The following USP46 variants were observed in gnomAD, a reference collection of about 807,000 sequenced individuals.
The protein encoded by USP46 is ubiquitin specific peptidase 46.
A neutral mutation model predicts 44.4 loss-of-function variants in USP46; 12 were observed. The observed-to-expected ratio is 0.27, with a 90% confidence interval of 0.17 to 0.44. USP46 has a LOEUF of 0.44. Among genes scored for constraint, USP46 ranks in the 20% least tolerant of loss-of-function variants. The pLI is 1.00. For missense variants in USP46, 248 were observed against 444.8 expected (o/e 0.56, Z 3.98); for synonymous variants, 155 against 161.5 (o/e 0.96, Z 0.31).
chr4:52,607,952 A>G (rs1401207285), intron 5 of USP46, among the ~76,000 whole-genome samples: 2 of 152,232 alleles, frequency 1.3e-5, no homozygotes, highest in Admixed American at 6.5e-5. Context: ...GTATTTATTT[A>G]TAGCAATGTG....
At chr4:52,632,904 GA>G (rs1350955863) in intron 1 of USP46, among the ~76,000 whole-genome samples, 18 of 86,942 alleles carry the variant, frequency 2.1e-4, no homozygotes, top group Non-Finnish European at 3.3e-4. Flanking sequence ...GGAAGGGAAA[GA>G]GAAAGAAAGA....
At chr4:52,624,714 T>A (rs1560401343) in intron 4 of USP46, among the ~76,000 whole-genome samples, 1 of 152,184 alleles carries the variant, frequency 6.6e-6, no homozygotes, top group Non-Finnish European at 1.5e-5. Flanking sequence ...TAGGATGGTA[T>A]TTGGAGATGG....
At chr4:52,603,156 T>A (rs770065347) in intron 6 of USP46, among the ~76,000 whole-genome samples, 1 of 152,218 alleles carries the variant, frequency 6.6e-6, no homozygotes, top group Non-Finnish European at 1.5e-5. Flanking sequence ...ACCCCATGTT[T>A]TATGGGAACA....
intron 4 of USP46, among the ~76,000 whole-genome samples, chr4:52,620,372 T>A (rs550354591): frequency 3.9e-5 from 6 of 152,332 alleles, no homozygotes; most frequent in African/African-American, 1.4e-4. Context: ...TTGTTCTGGT[T>A]TCCATATCAT....
intron 1 of USP46, among the ~76,000 whole-genome samples, chr4:52,641,911 A>C (rs975095982): frequency 2.0e-5 from 3 of 152,246 alleles, no homozygotes; most frequent in African/African-American, 7.2e-5. Context: ...CCATAAATTA[A>C]AGTGGATGAC....
chr4:52,626,880 T>C (rs753330092), intron 3 of USP46, among the ~76,000 whole-genome samples: 7 of 152,198 alleles, frequency 4.6e-5, no homozygotes, highest in Non-Finnish European at 8.8e-5. Context: ...ATTTTTAATA[T>C]GATGTAACTA....
In USP46 at chr4:52,592,848, A is replaced by AT; in HGVS notation, c.*4791_*4792insA. 1 of 397,042 alleles carries AT rather than the reference A, an allele frequency of 2.5e-6. No homozygotes were observed. Among genetic ancestry groups the AT allele is most frequent in the Non-Finnish European group, 4.4e-6 (1 of 225,732 alleles). The allele number at this position is 397,042 out of a possible 1,614,324, so 24.6% of individuals were successfully genotyped here. On this transcript the variant is annotated 3_prime_UTR_variant, in exon 9 of 9. Transcript: ENST00000441222. The stretch of plus-strand genomic sequence containing the variant: ...TGAGACTCCATCTTAAAAAAAAAAA[A>AT]GGAAAGAAAAGTGTGTAACCCCTCC...
At chr4:52,620,970 C>T (rs181687056) in intron 4 of USP46, among the ~76,000 whole-genome samples, 40 of 152,280 alleles carry the variant, frequency 2.6e-4, no homozygotes, top group African/African-American at 7.9e-4. Flanking sequence ...CATGCAACAA[C>T]ACAAATGAAT....
At chr4:52,602,389 C>G (rs1560391016) in intron 6 of USP46, among the ~76,000 whole-genome samples, 1 of 152,134 alleles carries the variant, frequency 6.6e-6, no homozygotes, top group South Asian at 2.1e-4. Flanking sequence ...ACAATCTACC[C>G]CCTGAGATGA....
Position 52,632,983 on chromosome 4 carries a change from AGAAAAG to A in USP46, c.37-1845_37-1840del, listed in dbSNP as rs1717945658. Among the ~76,000 whole-genome samples the A allele has an allele frequency of 1.4e-4, 13 of 92,742 alleles. 1 individual carries two copies. 60.8% of individuals were successfully genotyped at this position (92,742 alleles called of 152,430 possible). On this transcript the variant is annotated intron_variant, in intron 1 of 8. Coordinates refer to ENST00000441222, the MANE Select transcript of USP46 (RefSeq NM_022832.4). ...AAGAAAGAAAGAAAGAAAGAAAGAA[AGAAAAG>A]AAAAGAAAGAAAGAAAGAAAGAAAG...
At chr4:52,648,993 T>C (rs1298098183) in intron 1 of USP46, among the ~76,000 whole-genome samples, 3 of 152,168 alleles carry the variant, frequency 2.0e-5, no homozygotes, top group Non-Finnish European at 4.4e-5. Context: ...ATTAGAAGAG[T>C]CCTGTGGGCC....
rs775809348 is a variant in USP46, at chr4:52,598,718, C to G, written c.921-12G>C. ...CACGATTAGGACCACTGGAAAAGAA[C>G]AAATAAAAGGCAGTTAGCAAGTTAA... On this transcript the variant is annotated splice_polypyrimidine_tract_variant and intron_variant, in intron 7 of 8. Transcript: ENST00000441222. 7.5e-6 allele frequency: 12 copies of G among 1,598,048 alleles called. No homozygotes were observed. Among genetic ancestry groups the G allele is most frequent in the Non-Finnish European group, 6.8e-6 (8 of 1,171,918 alleles).
chr4:52,598,749 A>C (rs757326314), intron 7 of USP46, 43 bp from the exon 8 acceptor site: 1 of 1,538,962 alleles, frequency 6.5e-7, no homozygotes, highest in African/African-American at 1.4e-5. Flanking sequence ...GTTAACATTT[A>C]TCTCTTTATA....
chr4:52,634,493 G>A (rs1470411353), intron 1 of USP46, among the ~76,000 whole-genome samples: 12 of 136,098 alleles, frequency 8.8e-5, no homozygotes, highest in Non-Finnish European at 1.9e-4. Flanking sequence ...TGGGCGACAA[G>A]AGCGAGACTT....
intron 1 of USP46, among the ~76,000 whole-genome samples, chr4:52,635,987 A>C (rs959296373): frequency 9.2e-5 from 14 of 152,160 alleles, no homozygotes; most frequent in Non-Finnish European, 1.5e-4. Context: ...TATAGGCAGA[A>C]TAGTAGTCCC....
intron 6 of USP46, among the ~76,000 whole-genome samples, chr4:52,603,295 T>C (rs1360055845): frequency 6.6e-6 from 1 of 152,222 alleles, no homozygotes; most frequent in Admixed American, 6.5e-5. Flanking sequence ...AGTGACCTTC[T>C]TTACTAACAA....
intron 1 of USP46, among the ~76,000 whole-genome samples, chr4:52,632,397 A>C (rs1470359771): frequency 6.6e-6 from 1 of 152,226 alleles, no homozygotes; most frequent in Non-Finnish European, 1.5e-5. Context: ...AAGTAAAATA[A>C]GGCTCCATTT....
chr4:52,644,953 A>T (rs1718490700), intron 1 of USP46, among the ~76,000 whole-genome samples: 1 of 152,096 alleles, frequency 6.6e-6, no homozygotes, highest in African/African-American at 2.4e-5. Context: ...GCTACTAAGG[A>T]GGCTGAGGCA....
intron 1 of USP46, among the ~76,000 whole-genome samples, chr4:52,633,986 C>T (rs56194644): frequency 2.0e-4 from 31 of 152,180 alleles, no homozygotes; most frequent in Non-Finnish European, 1.3e-4. Context: ...AACACTTCCT[C>T]AACACCCCTC....
Sources: gnomAD v4.1 joint callset for allele counts (sites outside exome capture counted in the v4.1 genomes callset) on GRCh38, gnomAD v4.1.1 for gene constraint, MANE v1.5 for transcripts, NCBI Gene and HGNC (gene_info 2026-07-23, HGNC 2026-07-21) for gene names.